Variants in AASDHPPT observed in about 807,000 individuals in gnomAD.
AASDHPPT encodes the protein aminoadipate-semialdehyde dehydrogenase-phosphopantetheinyl transferase.
A neutral mutation model predicts 36.4 loss-of-function variants in AASDHPPT; 23 were observed. The ratio of observed to expected loss-of-function variants is 0.63; its 90% CI spans 0.45 to 0.89. The LOEUF is 0.89. Among genes scored for constraint, AASDHPPT ranks in the 40% least tolerant of loss-of-function variants. The pLI, the probability that AASDHPPT is intolerant of heterozygous loss-of-function variation, is 0.00. For missense variants in AASDHPPT, 377 were observed against 378.2 expected (o/e 1.00, Z 0.03); for synonymous variants, 115 against 128.0 (o/e 0.90, Z 0.68).
Position 106,077,859 on chromosome 11 carries a change from A to G in AASDHPPT, c.149A>G (p.Gln50Arg). ...IQPEEKERIG[Q>R]FVFARDAKAA... ...CCCGAGGAGAAGGAGCGCATTGGCC[A>G]GTTCGTCTTTGCCCGGGACGCTAAG... is the stretch of plus-strand genomic sequence containing the variant. The change falls in exon 1 of 6, where the codon CAG (glutamine) becomes CGG (arginine). Residue 50 changes from glutamine (Q) to arginine (R), a missense_variant. By Grantham distance (43) the Gln-to-Arg change is conservative. Coordinates refer to ENST00000278618, the MANE Select transcript of AASDHPPT (RefSeq NM_015423.3). 1.2e-6 allele frequency: 2 copies of G among 1,614,138 alleles called. No homozygotes were observed. Among genetic ancestry groups the G allele is most frequent in the African/African-American group, 1.3e-5 (1 of 75,056 alleles).
Position 106,090,471 on chromosome 11 carries a change from G to A in AASDHPPT, c.410-86G>A. 4 of 1,046,542 alleles carry A rather than the reference G, an allele frequency of 3.8e-6. 1 individual carries two copies. The South Asian group carries it at 5.4e-5, about 14-fold the overall frequency. 64.8% of individuals were successfully genotyped at this position (1,046,542 alleles called of 1,614,324 possible). ...TGGTTGCCCTTTAGATCTTTGGGGG[G>A]TGCTGTCTTGAACAGTTTTAGTAAT... On this transcript the variant is annotated intron_variant, in intron 2 of 5. Transcript: ENST00000278618.
chr11:106,089,015 G>C (rs549168263), intron 2 of AASDHPPT, among the ~76,000 whole-genome samples: 67 of 152,126 alleles, frequency 4.4e-4, no homozygotes, highest in African/African-American at 1.5e-3. Flanking sequence ...ATGATTGTGG[G>C]AAAGGTATTT....
At chr11:106,082,701 C>G (rs896214173) in intron 2 of AASDHPPT, among the ~76,000 whole-genome samples, 1 of 152,144 alleles carries the variant, frequency 6.6e-6, no homozygotes, top group Non-Finnish European at 1.5e-5. Flanking sequence ...AGAGAACATA[C>G]CTAGTATATA....
At chr11:106,082,415 T>C (rs886599335) in intron 2 of AASDHPPT, among the ~76,000 whole-genome samples, 1 of 152,218 alleles carries the variant, frequency 6.6e-6, no homozygotes, top group African/African-American at 2.4e-5. Flanking sequence ...TGCTAAATGA[T>C]GCTAGGCAAA....
At chr11:106,080,338 A>T (rs1227118112) in intron 2 of AASDHPPT, among the ~76,000 whole-genome samples, 1 of 152,054 alleles carries the variant, frequency 6.6e-6, no homozygotes, top group Non-Finnish European at 1.5e-5. Flanking sequence ...CCAACGGGCG[A>T]CTCTTTGTTC....
At chr11:106,090,760 A>T in intron 3 of AASDHPPT, 82 bp downstream of exon 3, 1 of 1,512,344 alleles carries the variant, frequency 6.6e-7, no homozygotes, top group Non-Finnish European at 8.8e-7. Flanking sequence ...TTGGTTACCC[A>T]GTAGTGTCCA....
intron 5 of AASDHPPT, among the ~76,000 whole-genome samples, chr11:106,095,275 A>T (rs1861301777): frequency 6.6e-6 from 1 of 152,152 alleles, no homozygotes; most frequent in Non-Finnish European, 1.5e-5. Context: ...TTTCTTGGTG[A>T]ATTGGGGTTG....
chr11:106,094,637 G>A lies in AASDHPPT; in HGVS notation c.748G>A (p.Gly250Arg), dbSNP rs934391412. The change falls in exon 5 of 6, where the codon GGA (glycine) becomes AGA (arginine). Residue 250 changes from glycine (G) to arginine (R), a missense_variant. Physicochemically the swap from Gly to Arg is moderately radical, Grantham distance 125 (BLOSUM62 -2). Coordinates refer to ENST00000278618, the MANE Select transcript of AASDHPPT (RefSeq NM_015423.3). The stretch of plus-strand genomic sequence containing the variant: ...TGCAGTTGCTCTTAGGAAACCCGAT[G>A]GATCTAGACATCAGGATGTAAGATT... ...FVAVALRKPD[G>R]SRHQDVPSQD... The A allele has an allele frequency of 6.2e-7, 1 of 1,602,772 alleles. No homozygotes were observed. The highest frequency in any genetic ancestry group is 1.3e-5 in the African/African-American group (1 of 74,362).
At chr11:106,088,406 A>G (rs757880261) in intron 2 of AASDHPPT, among the ~76,000 whole-genome samples, 3 of 152,110 alleles carry the variant, frequency 2.0e-5, no homozygotes, top group Non-Finnish European at 2.9e-5. Flanking sequence ...TTTGGACATT[A>G]ATCTGTTAAA....
intron 4 of AASDHPPT, chr11:106,091,996 T>G (rs1861261151): frequency 6.6e-6 from 1 of 152,166 alleles, no homozygotes; most frequent in Admixed American, 6.6e-5. Flanking sequence ...GATGAAATAT[T>G]TAGAGCTCTT....
In AASDHPPT at chr11:106,077,682, G is replaced by T; in HGVS notation, c.-29G>T. ...CGTTTGCGTCCGCGCCATCAGGCCCGAGATAGCGGCGAGGTCCGCTTTCAG... is the reference window on the plus strand; with the variant it reads ...CGTTTGCGTCCGCGCCATCAGGCCCTAGATAGCGGCGAGGTCCGCTTTCAG... On this transcript the variant is annotated 5_prime_UTR_variant, in exon 1 of 6. Transcript: ENST00000278618. 1 of 1,600,750 alleles carries T rather than the reference G, an allele frequency of 6.2e-7. No individual in the cohort carries two copies. Among genetic ancestry groups the T allele is most frequent in the Non-Finnish European group, 8.5e-7 (1 of 1,170,482 alleles).
intron 2 of AASDHPPT, among the ~76,000 whole-genome samples, chr11:106,087,959 GTT>G (rs1861212984): frequency 6.6e-6 from 1 of 152,100 alleles, no homozygotes; most frequent in Non-Finnish European, 1.5e-5. Context: ...CTTTATTCCA[GTT>G]TCCTAGGTAA....
intron 2 of AASDHPPT, among the ~76,000 whole-genome samples, chr11:106,084,306 C>T (rs193107769): frequency 2.0e-5 from 3 of 152,258 alleles, no homozygotes; most frequent in African/African-American, 7.2e-5. Context: ...GTTTATAGTA[C>T]TCTATCCAAA....
chr11:106,085,487 A>G (rs1861188963), intron 2 of AASDHPPT, among the ~76,000 whole-genome samples: 2 of 152,166 alleles, frequency 1.3e-5, no homozygotes, highest in Admixed American at 6.5e-5. Context: ...AAAATAATAA[A>G]CCACTAAGTC....
chr11:106,093,147 G>T (rs903055222), intron 4 of AASDHPPT: 5 of 152,196 alleles, frequency 3.3e-5, no homozygotes, highest in African/African-American at 9.7e-5. Context: ...AGGACTAGAT[G>T]TGGTGGTTCA....
intron 2 of AASDHPPT, among the ~76,000 whole-genome samples, chr11:106,083,518 C>T (rs1158881136): frequency 6.6e-6 from 1 of 152,112 alleles, no homozygotes; most frequent in Non-Finnish European, 1.5e-5. Flanking sequence ...TATGGAAGAA[C>T]TAATGACTAG....
chr11:106,096,795 A>G lies in AASDHPPT; in HGVS notation c.818A>G (p.Asn273Ser), dbSNP rs750193914. The G allele has an allele frequency of 6.2e-6, 10 of 1,609,704 alleles. No homozygotes were observed. Among genetic ancestry groups the G allele is most frequent in the Non-Finnish European group, 7.6e-6 (9 of 1,178,460 alleles). ...ACCCAGAGGCAATTTACTATTCTCA[A>G]CTTTAATGATTTAATGTCATCTGCC... ...KPTQRQFTILNFNDLMSSAVP... is the reference protein window; with the variant it reads ...KPTQRQFTILSFNDLMSSAVP... The change falls in exon 6 of 6, where the codon AAC becomes AGC. Residue 273 changes from asparagine (N) to serine (S), a missense_variant. Physicochemically the swap from Asn to Ser is conservative, Grantham distance 46. Transcript: ENST00000278618.
intron 2 of AASDHPPT, among the ~76,000 whole-genome samples, chr11:106,085,293 G>C (rs893073813): frequency 6.6e-6 from 1 of 151,942 alleles, no homozygotes; most frequent in Non-Finnish European, 1.5e-5. Context: ...AGTAGAGATG[G>C]GGTTTCACTG....
At chr11:106,094,305 A>G (rs1295570108) in intron 4 of AASDHPPT, 4 of 250,154 alleles carry the variant, frequency 1.6e-5, no homozygotes, top group Non-Finnish European at 3.0e-5. Flanking sequence ...TATTGTTTCA[A>G]TGTTAAACTT....
Sources: allele counts gnomAD v4.1 joint callset (sites outside exome capture counted in the v4.1 genomes callset), GRCh38; gene constraint gnomAD v4.1.1; transcripts MANE v1.5; gene names NCBI Gene and HGNC (gene_info 2026-07-23, HGNC 2026-07-21).